Variants in SLC2A13 observed in about 807,000 individuals in gnomAD.
SLC2A13 encodes solute carrier family 2 member 13.
Under a neutral mutation model 64.4 loss-of-function variants are expected in SLC2A13, and 32 were observed. The observed-to-expected ratio is 0.50, with a 90% CI of 0.37 to 0.67. SLC2A13 has a LOEUF of 0.67. Ranked by LOEUF, SLC2A13 falls within the 30% of genes least tolerant of loss-of-function variation. The probability of loss-of-function intolerance (pLI) is 0.00; values close to 1 mark genes in which losing one functional copy is unlikely to be tolerated. For missense variants in SLC2A13, 743 were observed against 829.2 expected (o/e 0.90, Z 1.28); for synonymous variants, 338 against 327.1 (o/e 1.03, Z -0.36).
intron 1 of SLC2A13, among the ~76,000 whole-genome samples, chr12:40,067,182 G>A (rs1349707363): frequency 6.6e-6 from 1 of 152,060 alleles, no homozygotes; most frequent in Admixed American, 6.6e-5. Context: ...AAGCATAAGT[G>A]CTAGTTTACT....
chr12:39,903,806 A>G (rs1025966082), intron 4 of SLC2A13, among the ~76,000 whole-genome samples: 10 of 152,106 alleles, frequency 6.6e-5, no homozygotes, highest in Admixed American at 2.0e-4. Context: ...ATTTAGCTTA[A>G]GTTTTCTATC....
intron 4 of SLC2A13, among the ~76,000 whole-genome samples, chr12:39,890,056 G>A (rs544326090): frequency 1.3e-3 from 203 of 152,130 alleles, no homozygotes; most frequent in African/African-American, 4.4e-3. Context: ...GTAGAAACCC[G>A]ATAATCTGTA....
At chr12:39,804,893 AG>A (rs1941917559) in intron 7 of SLC2A13, among the ~76,000 whole-genome samples, 1 of 150,368 alleles carries the variant, frequency 6.7e-6, no homozygotes, top group Non-Finnish European at 1.5e-5. Context: ...CTGTTTTGAC[AG>A]GGCTCTCAGG....
intron 7 of SLC2A13, among the ~76,000 whole-genome samples, chr12:39,784,512 C>G (rs4391875): frequency 2.6e-5 from 4 of 152,206 alleles, no homozygotes; most frequent in East Asian, 3.9e-4. Context: ...TGGGAAAACT[C>G]GCTAGCCATA....
At chr12:40,058,861 G>A (rs920321376) in intron 1 of SLC2A13, among the ~76,000 whole-genome samples, 2 of 152,144 alleles carry the variant, frequency 1.3e-5, no homozygotes, top group African/African-American at 4.8e-5. Flanking sequence ...CTTCATGAAC[G>A]AGTCAGATGA....
intron 3 of SLC2A13, among the ~76,000 whole-genome samples, chr12:39,959,727 GA>G (rs1397717280): frequency 6.6e-6 from 1 of 152,060 alleles, no homozygotes; most frequent in East Asian, 1.9e-4. Context: ...TGTTGCTGAG[GA>G]AAAAATTACG....
chr12:39,862,417 C>A, intron 6 of SLC2A13, among the ~76,000 whole-genome samples: 1 of 152,150 alleles, frequency 6.6e-6, no homozygotes, highest in Non-Finnish European at 1.5e-5. Flanking sequence ...TACAAGTGGA[C>A]GTGCTGAGTC....
At chr12:40,049,178 T>C (rs1020477037) in intron 1 of SLC2A13, among the ~76,000 whole-genome samples, 1 of 151,920 alleles carries the variant, frequency 6.6e-6, no homozygotes, top group Non-Finnish European at 1.5e-5. Flanking sequence ...CAGATACTGA[T>C]TTGCTGTATC....
intron 1 of SLC2A13, among the ~76,000 whole-genome samples, chr12:40,070,470 A>T (rs1458301289): frequency 6.6e-6 from 1 of 152,078 alleles, no homozygotes; most frequent in African/African-American, 2.4e-5. Context: ...TTCGCTTGGT[A>T]CTTCTCCTTA....
At chr12:40,054,433 A>C (rs1003859958) in intron 1 of SLC2A13, among the ~76,000 whole-genome samples, 1 of 152,218 alleles carries the variant, frequency 6.6e-6, no homozygotes, top group African/African-American at 2.4e-5. Context: ...AATTAACACA[A>C]GGAATATAAT....
In SLC2A13 at chr12:40,055,986, C is replaced by CA. The variant is rs1034815442; in HGVS notation, c.557-7777dup. On this transcript the variant is annotated intron_variant, in intron 1 of 9. Coordinates refer to ENST00000280871, the MANE Select transcript of SLC2A13 (RefSeq NM_052885.4). ...AACACACTCCACAGGCCAAAAAAAA[C>CA]AAACAAAAAAAAAACAAAACAAACA... Among the ~76,000 whole-genome samples, 194 of 144,026 alleles carry CA rather than the reference C, an allele frequency of 1.3e-3. 2 individuals carry two copies. Among genetic ancestry groups the CA allele is most frequent in the African/African-American group, 4.8e-3 (181 of 37,706 alleles). 94.5% of individuals were successfully genotyped at this position (144,026 alleles called of 152,430 possible). A position where few individuals can be genotyped will look rare whatever the true frequency, so the allele number is the denominator to read the frequency against.
intron 6 of SLC2A13, among the ~76,000 whole-genome samples, chr12:39,862,171 C>A (rs1022509210): frequency 6.6e-6 from 1 of 152,104 alleles, no homozygotes; most frequent in African/African-American, 2.4e-5. Context: ...CATTATCAAT[C>A]AAAAACTTAA....
chr12:39,765,350 C>G (rs550342474), intron 7 of SLC2A13, among the ~76,000 whole-genome samples: 17 of 151,880 alleles, frequency 1.1e-4, no homozygotes, highest in Non-Finnish European at 1.3e-4. Flanking sequence ...TCCAAATAGC[C>G]CTCTCCCTTT....
chr12:39,758,068 A>AT lies in SLC2A13; in HGVS notation c.*1957dup. ...GATAAGAAATATCAATAGAATAATAATTTTCCCTATTAAATCATATCTGCT... is the reference window on the plus strand; with the variant it reads ...GATAAGAAATATCAATAGAATAATAATTTTTCCCTATTAAATCATATCTGCT... On this transcript the variant is annotated 3_prime_UTR_variant, in exon 10 of 10. Transcript: ENST00000280871. The AT allele has an allele frequency of 6.6e-6, 1 of 151,750 alleles. No homozygotes were observed. The highest frequency in any genetic ancestry group is 3.4e-3 in the Middle Eastern group (1 of 294). 9.4% of individuals were successfully genotyped at this position (151,750 alleles called of 1,614,324 possible). A position where few individuals can be genotyped will look rare whatever the true frequency, so the allele number is the denominator to read the frequency against.
intron 4 of SLC2A13, among the ~76,000 whole-genome samples, chr12:39,936,152 T>C (rs1945913916): frequency 6.6e-6 from 1 of 152,206 alleles, no homozygotes; most frequent in South Asian, 2.1e-4. Flanking sequence ...AAGGCTCAAT[T>C]GAGGAAGTTG....
At chr12:39,822,063 TC>T (rs1942533160) in intron 7 of SLC2A13, among the ~76,000 whole-genome samples, 1 of 76,454 alleles carries the variant, frequency 1.3e-5, no homozygotes, top group Non-Finnish European at 2.5e-5. Context: ...ATGCTATCCC[TC>T]CCCCCTCCCC....
intron 7 of SLC2A13, among the ~76,000 whole-genome samples, chr12:39,773,587 A>G (rs762644052): frequency 6.6e-6 from 1 of 152,246 alleles, no homozygotes; most frequent in Non-Finnish European, 1.5e-5. Context: ...AAGGAACTTA[A>G]GCAGTGCAAA....
chr12:39,817,034 A>AG (rs933067952), intron 7 of SLC2A13, among the ~76,000 whole-genome samples: 10 of 151,968 alleles, frequency 6.6e-5, no homozygotes, highest in African/African-American at 2.2e-4. Flanking sequence ...AAATGCCTTG[A>AG]GGGAAAAAAA....
At chr12:39,849,510 A>G (rs1425760001) in intron 6 of SLC2A13, among the ~76,000 whole-genome samples, 2 of 152,154 alleles carry the variant, frequency 1.3e-5, no homozygotes, top group African/African-American at 4.8e-5. Context: ...GAGGCTGTTT[A>G]TTGAGGTGCT....
Sources: gnomAD v4.1 joint callset for allele counts (sites outside exome capture counted in the v4.1 genomes callset) on GRCh38, gnomAD v4.1.1 for gene constraint, MANE v1.5 for transcripts, NCBI Gene and HGNC (gene_info 2026-07-23, HGNC 2026-07-21) for gene names.